Variants in GANC observed in about 807,000 individuals in gnomAD.
GANC encodes glucosidase alpha, neutral C.
In GANC, 117 loss-of-function variants were observed where a neutral mutation model predicts 124.2. The observed-to-expected ratio is 0.94, with a 90% CI of 0.81 to 1.10. The LOEUF is 1.10. Ranked by LOEUF, GANC falls within the 50% of genes least tolerant of loss-of-function variation. The pLI, the probability that GANC is intolerant of heterozygous loss-of-function variation, is 0.00. For missense variants in GANC, 1,140 were observed against 1,095.0 expected (o/e 1.04, Z -0.58); for synonymous variants, 377 against 376.8 (o/e 1.00, Z -0.01).
rs763396631 is a variant in GANC, at chr15:42,310,862, A to C, written c.1057+16A>C. ...CACCTTACAGGTATTTGCACGAAGA[A>C]GTGCCAGTTTCTTGTTCTGTTACAT... On this transcript the variant is annotated intron_variant, in intron 10 of 23. Coordinates refer to ENST00000318010, the MANE Select transcript of GANC (RefSeq NM_198141.3). 1.2e-5 allele frequency: 20 copies of C among 1,603,924 alleles called. No homozygotes were observed. The highest frequency in any genetic ancestry group is 1.7e-5 in the Non-Finnish European group (20 of 1,171,354).
At chr15:42,324,926 A>T (rs937100962) in intron 11 of GANC, among the ~76,000 whole-genome samples, 3 of 152,166 alleles carry the variant, frequency 2.0e-5, no homozygotes, top group African/African-American at 7.2e-5. Flanking sequence ...ACACTTAAAA[A>T]TGGTTAAGAT....
intron 6 of GANC, among the ~76,000 whole-genome samples, chr15:42,299,322 A>G (rs561857994): frequency 2.5e-4 from 38 of 152,262 alleles, no homozygotes; most frequent in African/African-American, 8.9e-4. Context: ...TGAGATAATC[A>G]TGTGGTTTTT....
rs140440032 is a variant in GANC at position 42,340,565 on chromosome 15, C to T, written c.2088-125C>T. ...ACTGCAGTGAGCCAAGATAGCACCA[C>T]GGCATTCCAGCCTGGGCAACAAAGT... On this transcript the variant is annotated intron_variant, in intron 17 of 23. Coordinates refer to ENST00000318010, the MANE Select transcript of GANC (RefSeq NM_198141.3). The T allele has an allele frequency of 3.6e-3, 2,570 of 705,924 alleles. 40 individuals carry two copies. In the African/African-American group the frequency reaches 0.038, roughly 11 times the overall value. The allele number at this position is 705,924 out of a possible 1,614,324, so 43.7% of individuals were successfully genotyped here.
intron 5 of GANC, among the ~76,000 whole-genome samples, chr15:42,296,115 CG>C (rs1458074609): frequency 7.2e-6 from 1 of 138,522 alleles, no homozygotes; most frequent in East Asian, 2.1e-4. Context: ...TTGCTCCAGG[CG>C]GGGCGACAAG....
At chr15:42,339,211 A>G (rs1170148552) in intron 16 of GANC, among the ~76,000 whole-genome samples, 1 of 151,398 alleles carries the variant, frequency 6.6e-6, no homozygotes, top group Admixed American at 6.6e-5. Context: ...CAGAACCTCT[A>G]CTTCTGATTA....
At chr15:42,315,276 T>G (rs911401180) in intron 10 of GANC, among the ~76,000 whole-genome samples, 2 of 150,830 alleles carry the variant, frequency 1.3e-5, no homozygotes, top group South Asian at 4.2e-4. Context: ...TAAATAAATC[T>G]TTACCAAATT....
At chr15:42,289,900 G>T (rs984135708) in intron 4 of GANC, among the ~76,000 whole-genome samples, 1 of 152,162 alleles carries the variant, frequency 6.6e-6, no homozygotes, top group African/African-American at 2.4e-5. Context: ...AAGAAGAGGA[G>T]ATTAGGACAC....
At chr15:42,343,416 G>A (rs535097802) in intron 19 of GANC, 2 of 430,898 alleles carry the variant, frequency 4.6e-6, no homozygotes, top group African/African-American at 4.0e-5. Flanking sequence ...GTAAAAGTGA[G>A]TCCTGATAAA....
chr15:42,279,915 C>G (rs559305873), intron 3 of GANC, among the ~76,000 whole-genome samples: 2 of 152,080 alleles, frequency 1.3e-5, no homozygotes, highest in South Asian at 4.1e-4. Context: ...AATTGTAAGG[C>G]CTTTAATTTA....
intron 22 of GANC, among the ~76,000 whole-genome samples, chr15:42,350,437 A>G (rs990527885): frequency 1.3e-5 from 2 of 152,092 alleles, no homozygotes; most frequent in Middle Eastern, 3.2e-3. Flanking sequence ...CAATTTGATT[A>G]TAATATCCAA....
chr15:42,297,746 A>G (rs2051905224), intron 6 of GANC, 90 bp downstream of exon 6: 1 of 908,492 alleles, frequency 1.1e-6, no homozygotes. Context: ...CCTTCTACAG[A>G]AGGGTGCTTG....
intron 3 of GANC, among the ~76,000 whole-genome samples, chr15:42,285,074 T>C (rs1382420250): frequency 2.0e-5 from 3 of 152,248 alleles, no homozygotes; most frequent in East Asian, 3.8e-4. Context: ...TTATTTTATT[T>C]ATAAATATCC....
chr15:42,279,088 T>G (rs913700207), intron 3 of GANC, among the ~76,000 whole-genome samples: 4 of 152,260 alleles, frequency 2.6e-5, no homozygotes, highest in African/African-American at 9.6e-5. Context: ...GTATATAGAT[T>G]GCCTGTGTAT....
At chr15:42,291,278 A>G (rs934046952) in intron 4 of GANC, among the ~76,000 whole-genome samples, 1 of 152,214 alleles carries the variant, frequency 6.6e-6, no homozygotes, top group African/African-American at 2.4e-5. Flanking sequence ...CAGATAATGT[A>G]GATTTGATAT....
chr15:42,300,280 A>G (rs939947634), intron 6 of GANC, among the ~76,000 whole-genome samples: 2 of 152,240 alleles, frequency 1.3e-5, no homozygotes, highest in Admixed American at 6.5e-5. Flanking sequence ...AACCCCATCA[A>G]AACATAGGCA....
chr15:42,314,527 T>C lies in GANC; in HGVS notation c.1057+3681T>C, dbSNP rs529208550. ...ATTTGTTCTGTAAATACTGCTTTCC[T>C]AATTTAGTAAAATGAAAGAATAGAC... On this transcript the variant is annotated intron_variant, in intron 10 of 23. Coordinates refer to ENST00000318010, the MANE Select transcript of GANC (RefSeq NM_198141.3). 3.5e-5 allele frequency: 8 copies of C among 231,394 alleles called. No homozygotes were observed. The East Asian group carries it at 1.0e-3, about 29-fold the overall frequency. The allele number at this position is 231,394 out of a possible 1,614,324, so 14.3% of individuals were successfully genotyped here.
At chr15:42,289,004 G>A (rs550826910) in intron 4 of GANC, among the ~76,000 whole-genome samples, 43 of 152,178 alleles carry the variant, frequency 2.8e-4, no homozygotes, top group African/African-American at 8.7e-4. Flanking sequence ...TTCTCTTTCC[G>A]TGCTGTCTTT....
In GANC at chr15:42,352,272, T is replaced by C; in HGVS notation, c.*133T>C. The C allele has an allele frequency of 6.8e-7, 1 of 1,467,268 alleles. No individual in the cohort carries two copies. The highest frequency in any genetic ancestry group is 1.4e-5 in the African/African-American group (1 of 70,478). The allele number at this position is 1,467,268 out of a possible 1,614,324, so 90.9% of individuals were successfully genotyped here. A position where few individuals can be genotyped will look rare whatever the true frequency, so the allele number is the denominator to read the frequency against. On this transcript the variant is annotated 3_prime_UTR_variant, in exon 24 of 24. Coordinates refer to ENST00000318010, the MANE Select transcript of GANC (RefSeq NM_198141.3). ...AAAATAATCTTTCATTCGTCACCATTATACTAATGAACAATAGATTTCATG... is the reference window on the plus strand; with the variant it reads ...AAAATAATCTTTCATTCGTCACCATCATACTAATGAACAATAGATTTCATG...
intron 21 of GANC, among the ~76,000 whole-genome samples, chr15:42,348,607 TA>T (rs913215692): frequency 6.1e-4 from 93 of 152,296 alleles, no homozygotes; most frequent in African/African-American, 2.1e-3. Context: ...AGTGATTTCT[TA>T]TCAGGTAGCT....
Sources: allele counts gnomAD v4.1 joint callset (sites outside exome capture counted in the v4.1 genomes callset), GRCh38; gene constraint gnomAD v4.1.1; transcripts MANE v1.5; gene names NCBI Gene and HGNC (gene_info 2026-07-23, HGNC 2026-07-21).